PTGER3: variants seen among roughly 807,000 people sequenced by gnomAD.
The protein encoded by PTGER3 is prostaglandin E2 receptor EP3 subtype.
In PTGER3, 22 loss-of-function variants were observed where a neutral mutation model predicts 34.7. The ratio of observed to expected loss-of-function variants is 0.63; its 90% CI spans 0.45 to 0.91. The LOEUF is 0.91. PTGER3 is among the 40% of genes least tolerant of loss of function. The pLI is 0.00. For synonymous variants in PTGER3, 241 were observed against 230.1 expected (o/e 1.05, Z -0.43); for missense variants, 468 against 519.4 (o/e 0.90, Z 0.96).
downstream of PTGER3, among the ~76,000 whole-genome samples, chr1:70,967,416 T>A (rs1366660721): frequency 6.6e-6 from 1 of 152,154 alleles, no homozygotes; most frequent in Non-Finnish European, 1.5e-5. Context: ...GGTTGAGATT[T>A]AAATAAAAAT....
intron 4 of PTGER3, among the ~76,000 whole-genome samples, chr1:70,907,678 A>C (rs558008193): frequency 6.6e-6 from 1 of 152,320 alleles, no homozygotes; most frequent in East Asian, 1.9e-4. Context: ...GGAGCAACTA[A>C]ATTACACAAA....
At chr1:70,880,702 A>G (rs903742557) in intron 4 of PTGER3, among the ~76,000 whole-genome samples, 21 of 151,766 alleles carry the variant, frequency 1.4e-4, no homozygotes, top group African/African-American at 4.6e-4. Flanking sequence ...AAAAAAGAAA[A>G]AAAAAAAAAA....
intron 2 of PTGER3, 57 bp downstream of exon 2, chr1:71,012,248 T>C: frequency 6.2e-7 from 1 of 1,613,886 alleles, no homozygotes; most frequent in Non-Finnish European, 8.5e-7. Flanking sequence ...CATTAGATAA[T>C]GAGATAGGCT....
intron 4 of PTGER3, among the ~76,000 whole-genome samples, chr1:70,891,502 A>T (rs988243829): frequency 6.6e-6 from 1 of 151,858 alleles, no homozygotes; most frequent in African/African-American, 2.4e-5. Flanking sequence ...TTTCACTATA[A>T]TTGGTAAAAG....
At chr1:71,033,049 A>C (rs1044851471) in intron 1 of PTGER3, among the ~76,000 whole-genome samples, 5 of 152,166 alleles carry the variant, frequency 3.3e-5, no homozygotes, top group Admixed American at 1.3e-4. Flanking sequence ...CTCAGAAAAA[A>C]GGAAATAACA....
At chr1:70,940,949 A>G (rs1324368210) in intron 4 of PTGER3, among the ~76,000 whole-genome samples, 1 of 152,208 alleles carries the variant, frequency 6.6e-6, no homozygotes. Flanking sequence ...CCTATCCTAC[A>G]AAATGAGCAG....
At chr1:70,860,369 T>A (rs1557609328) in intron 4 of PTGER3, among the ~76,000 whole-genome samples, 1 of 152,148 alleles carries the variant, frequency 6.6e-6, no homozygotes, top group Non-Finnish European at 1.5e-5. Flanking sequence ...ACTGTCTGTG[T>A]GGAGTTTGCA....
chr1:70,874,138 T>G (rs182310476), intron 4 of PTGER3, among the ~76,000 whole-genome samples: 2 of 152,278 alleles, frequency 1.3e-5, no homozygotes, highest in Admixed American at 6.5e-5. Flanking sequence ...AAGTATTTGT[T>G]TTTCTTCAAT....
chr1:70,882,322 G>A (rs2100598993), intron 4 of PTGER3, among the ~76,000 whole-genome samples: 1 of 152,270 alleles, frequency 6.6e-6, no homozygotes, highest in African/African-American at 2.4e-5. Flanking sequence ...CTGTTCGGCT[G>A]GAAGCTCTAA....
chr1:70,958,697 C>G (rs1181516370), intron 2 of PTGER3, among the ~76,000 whole-genome samples: 1 of 152,078 alleles, frequency 6.6e-6, no homozygotes, highest in Non-Finnish European at 1.5e-5. Flanking sequence ...TCTCATTTGT[C>G]TATTTTAGCT....
intron 1 of PTGER3, among the ~76,000 whole-genome samples, chr1:71,016,071 T>C (rs943199335): frequency 5.3e-5 from 8 of 152,206 alleles, no homozygotes; most frequent in African/African-American, 1.9e-4. Flanking sequence ...ATGCTGGGAT[T>C]ACAGGTATAT....
intron 4 of PTGER3, among the ~76,000 whole-genome samples, chr1:70,931,760 C>T (rs1262250615): frequency 6.6e-6 from 1 of 152,108 alleles, no homozygotes. Context: ...CCCTGGTCCA[C>T]AAAACTGTTT....
At chr1:70,865,714 T>C in intron 4 of PTGER3, 1 of 1,366,224 alleles carries the variant, frequency 7.3e-7, no homozygotes, top group Non-Finnish European at 9.8e-7. Flanking sequence ...TCGCAAGTGT[T>C]AGTGGAAGTT....
chr1:71,017,302 C>T (rs1657994677), intron 1 of PTGER3, among the ~76,000 whole-genome samples: 1 of 152,006 alleles, frequency 6.6e-6, no homozygotes, highest in Non-Finnish European at 1.5e-5. Flanking sequence ...GGAAGGGATC[C>T]AGGAGGTAAG....
chr1:70,981,436 CAG>C (rs907494303), intron 2 of PTGER3, among the ~76,000 whole-genome samples: 5 of 147,658 alleles, frequency 3.4e-5, no homozygotes, highest in African/African-American at 1.3e-4. Flanking sequence ...TTCTTTCAGA[CAG>C]AGTCTGTCTC....
Position 71,023,570 on chromosome 1 carries a change from G to A in PTGER3, c.898-11086C>T, listed in dbSNP as rs777434131. On this transcript the variant is annotated intron_variant, in intron 1 of 3. Transcript: ENST00000306666. Reference sequence around the variant, plus strand: ...TGGATTAGTTTAGCTGCTATTGCACGGCTTTGTTTGAATGTCTTACATCAA... The same window carrying A: ...TGGATTAGTTTAGCTGCTATTGCACAGCTTTGTTTGAATGTCTTACATCAA... Among the ~76,000 whole-genome samples the A allele has an allele frequency of 3.3e-5, 5 of 151,746 alleles. No homozygotes were observed. The South Asian group carries it at 8.3e-4, about 25-fold the overall frequency.
chr1:70,976,325 T>C (rs1431484188), intron 2 of PTGER3, among the ~76,000 whole-genome samples: 1 of 152,104 alleles, frequency 6.6e-6, no homozygotes, highest in Non-Finnish European at 1.5e-5. Flanking sequence ...TGAACCCTAA[T>C]GTAAACTATG....
intron 4 of PTGER3, among the ~76,000 whole-genome samples, chr1:70,931,435 C>T (rs901238696): frequency 2.0e-5 from 3 of 152,222 alleles, no homozygotes; most frequent in African/African-American, 7.2e-5. Flanking sequence ...TGTGTGGGGG[C>T]TCAGACTCCA....
chr1:70,949,018 TG>T (rs1650488071), downstream of PTGER3, among the ~76,000 whole-genome samples: 1 of 152,208 alleles, frequency 6.6e-6, no homozygotes, highest in Non-Finnish European at 1.5e-5. Context: ...AAATAGAGTT[TG>T]CATTTTATTC....
Sources: gnomAD v4.1 joint callset for allele counts (sites outside exome capture counted in the v4.1 genomes callset) on GRCh38, gnomAD v4.1.1 for gene constraint, MANE v1.5 for transcripts, NCBI Gene and HGNC (gene_info 2026-07-23, HGNC 2026-07-21) for gene names.